Variants in ADGRL3 observed in about 807,000 individuals in gnomAD.
ADGRL3 encodes adhesion G protein-coupled receptor L3, also known as calcium-independent alpha-latrotoxin receptor 3.
Under a neutral mutation model 153.5 loss-of-function variants are expected in ADGRL3, and 62 were observed. The observed-to-expected ratio is 0.40, with a 90% confidence interval of 0.33 to 0.50. ADGRL3 has a LOEUF of 0.50. Ranked by LOEUF, ADGRL3 falls within the 20% of genes least tolerant of loss-of-function variation. The pLI is 0.47. For missense variants in ADGRL3, 1,641 were observed against 1,859.4 expected, an observed-to-expected ratio of 0.88 and a Z score of 2.16; for synonymous variants, 710 against 672.5, an observed-to-expected ratio of 1.06 and a Z score of -0.86.
intron 4 of ADGRL3, among the ~76,000 whole-genome samples, chr4:61,582,910 A>G (rs928212893): frequency 1.3e-5 from 2 of 151,994 alleles, no homozygotes; most frequent in South Asian, 4.1e-4. Flanking sequence ...CTTACTCTAG[A>G]AACACTCACT....
chr4:61,877,554 TG>T (rs1379517953), intron 9 of ADGRL3, among the ~76,000 whole-genome samples: 1 of 152,218 alleles, frequency 6.6e-6, no homozygotes, highest in African/African-American at 2.4e-5. Context: ...CTTTTTGAAA[TG>T]GTGATGTATT....
intron 9 of ADGRL3, among the ~76,000 whole-genome samples, chr4:61,852,283 T>TTTTAA (rs1554047225): frequency 5.7e-5 from 8 of 141,542 alleles, no homozygotes; most frequent in East Asian, 2.2e-4. Context: ...ACTTATTTTA[T>TTTTAA]TTTAATTTTA....
intron 23 of ADGRL3, 80 bp from the exon 24 acceptor site, chr4:62,037,651 A>G (rs1306995641): frequency 4.2e-6 from 6 of 1,444,956 alleles, no homozygotes; most frequent in Non-Finnish European, 5.8e-6. Context: ...ATCTAAAAAT[A>G]AAACTCACAT....
chr4:61,726,199 C>CTTTTTTTTTTTTTTTTTTTTTTTTTTTTT, intron 6 of ADGRL3, among the ~76,000 whole-genome samples: 1 of 82,992 alleles, frequency 1.2e-5, no homozygotes, highest in Admixed American at 1.4e-4. Flanking sequence ...CTCACTGGAA[C>CTTTTTTTTTTTTTTTTTTTTTTTTTTTTT]TTTTTTTTTT....
At chr4:61,830,983 G>A (rs2097861553) in intron 9 of ADGRL3, among the ~76,000 whole-genome samples, 3 of 152,070 alleles carry the variant, frequency 2.0e-5, no homozygotes, top group Non-Finnish European at 4.4e-5. Context: ...CTGCCTCCTG[G>A]GTTCAAGCAA....
chr4:61,859,041 A>G (rs977298680), intron 9 of ADGRL3, among the ~76,000 whole-genome samples: 8 of 152,204 alleles, frequency 5.3e-5, no homozygotes. Context: ...ATAAGCCTAT[A>G]GTATTGTTTA....
chr4:61,676,743 A>G (rs2095208390), intron 5 of ADGRL3, 83 bp from the exon 6 acceptor site: 2 of 954,444 alleles, frequency 2.1e-6, no homozygotes, highest in Admixed American at 3.5e-5. Context: ...TATAACAGGA[A>G]CTAAAATAAA....
chr4:61,464,975 C>T (rs1349690285), intron 2 of ADGRL3, among the ~76,000 whole-genome samples: 2 of 152,156 alleles, frequency 1.3e-5, no homozygotes, highest in Non-Finnish European at 2.9e-5. Flanking sequence ...AACCAAAAAA[C>T]TCTGGGGTCT....
At chr4:61,571,801 G>C (rs1049106232) in intron 4 of ADGRL3, among the ~76,000 whole-genome samples, 1 of 152,160 alleles carries the variant, frequency 6.6e-6, no homozygotes, top group Non-Finnish European at 1.5e-5. Flanking sequence ...AGAAATTCAA[G>C]TTATTATCCT....
chr4:61,715,914 A>G (rs2096101294), intron 6 of ADGRL3, among the ~76,000 whole-genome samples: 1 of 149,190 alleles, frequency 6.7e-6, no homozygotes, highest in Non-Finnish European at 1.5e-5. Flanking sequence ...CAGGAAAGGA[A>G]TTGGAAAAGG....
At chr4:61,480,421 C>T (rs531365912) in intron 2 of ADGRL3, among the ~76,000 whole-genome samples, 2 of 152,234 alleles carry the variant, frequency 1.3e-5, no homozygotes, top group South Asian at 2.1e-4. Context: ...TTTTCTATAT[C>T]AGTTTGTTAA....
intron 4 of ADGRL3, among the ~76,000 whole-genome samples, chr4:61,577,955 A>G (rs946406068): frequency 6.6e-6 from 1 of 152,126 alleles, no homozygotes; most frequent in Admixed American, 6.6e-5. Flanking sequence ...ATTAGTTAGT[A>G]AAGAATTCTT....
chr4:61,378,085 T>C (rs1245770365), intron 1 of ADGRL3, among the ~76,000 whole-genome samples: 1 of 152,010 alleles, frequency 6.6e-6, no homozygotes, highest in African/African-American at 2.4e-5. Context: ...TTATATTTAC[T>C]AAGATTTGTT....
In ADGRL3 at chr4:62,075,954, C is replaced by CTATT. The variant is rs1746998809; in HGVS notation, c.*5049_*5052dup. ...GATTAGGCCATAAGAAGAAACTTTC[C>CTATT]TATTTACTAATTAACACTGATTACA... On this transcript the variant is annotated 3_prime_UTR_variant, in exon 27 of 27. Transcript: ENST00000683033. 1 of 152,054 alleles carries CTATT rather than the reference C, an allele frequency of 6.6e-6. No homozygotes were observed. The highest frequency in any genetic ancestry group is 6.6e-5 in the Admixed American group (1 of 15,246). The allele number at this position is 152,054 out of a possible 1,614,324, so 9.4% of individuals were successfully genotyped here. A position where few individuals can be genotyped will look rare whatever the true frequency, so the allele number is the denominator to read the frequency against.
At chr4:61,553,843 T>G (rs898955096) in intron 4 of ADGRL3, among the ~76,000 whole-genome samples, 3 of 152,134 alleles carry the variant, frequency 2.0e-5, no homozygotes, top group African/African-American at 7.2e-5. Context: ...GGGTTTTTAG[T>G]TTCTCAAGCA....
intron 8 of ADGRL3, among the ~76,000 whole-genome samples, chr4:61,780,539 G>A (rs2097202386): frequency 6.6e-6 from 1 of 152,154 alleles, no homozygotes; most frequent in Admixed American, 6.5e-5. Context: ...CAAAGGTTAT[G>A]TTTCATACTC....
chr4:62,065,464 T>G (rs1742502282), intron 25 of ADGRL3, among the ~76,000 whole-genome samples: 1 of 152,084 alleles, frequency 6.6e-6, no homozygotes, highest in Non-Finnish European at 1.5e-5. Flanking sequence ...TTTCTTTGTT[T>G]TCCTTAGGAC....
intron 5 of ADGRL3, among the ~76,000 whole-genome samples, chr4:61,668,604 A>T (rs1311695446): frequency 1.3e-5 from 2 of 152,200 alleles, no homozygotes; most frequent in African/African-American, 4.8e-5. Flanking sequence ...GAAATGAAAG[A>T]ATTGGAGCTA....
intron 1 of ADGRL3, among the ~76,000 whole-genome samples, chr4:61,208,845 ACTAT>A (rs538418821): frequency 3.3e-5 from 5 of 152,150 alleles, no homozygotes; most frequent in African/African-American, 4.8e-5. Context: ...TCTGTTAATC[ACTAT>A]CTAAGCACCA....
Sources: gnomAD v4.1 joint callset for allele counts (sites outside exome capture counted in the v4.1 genomes callset) on GRCh38, gnomAD v4.1.1 for gene constraint, MANE v1.5 for transcripts, NCBI Gene and HGNC (gene_info 2026-07-23, HGNC 2026-07-21) for gene names.